The following MTFR1 variants were observed in gnomAD, a reference collection of about 807,000 sequenced individuals.
The protein encoded by MTFR1 is mitochondrial fission regulator 1, also known as chondrocyte protein with a poly-proline region.
MTFR1 carries 28 observed loss-of-function variants against 38.8 expected under a neutral mutation model. That is an observed-to-expected ratio of 0.72 (90% CI 0.53 to 0.99). The LOEUF is 0.99. Ranked by LOEUF, MTFR1 falls within the 50% of genes least tolerant of loss-of-function variation. The pLI, the probability that MTFR1 is intolerant of heterozygous loss-of-function variation, is 0.00. For synonymous variants in MTFR1, 145 were observed against 137.0 expected, an observed-to-expected ratio of 1.06 and a Z score of -0.41; for missense variants, 358 against 395.5, an observed-to-expected ratio of 0.91 and a Z score of 0.81.
chr8:65,730,171 C>CTTCTTCTTTTTTT (rs1295965698), intron 3 of MTFR1, among the ~76,000 whole-genome samples: 1 of 86,434 alleles, frequency 1.2e-5, no homozygotes, highest in African/African-American at 4.8e-5. Flanking sequence ...TTGCGCACTT[C>CTTCTTCTTTTTTT]TTTTTTTTTT....
At chr8:65,769,263 A>T (rs1356264229) in intron 3 of MTFR1, among the ~76,000 whole-genome samples, 1 of 151,888 alleles carries the variant, frequency 6.6e-6, no homozygotes, top group Non-Finnish European at 1.5e-5. Flanking sequence ...AAAAAAAAAA[A>T]AAAAAAGTAA....
chr8:65,759,316 T>TG (rs1321674125), intron 3 of MTFR1, among the ~76,000 whole-genome samples: 4 of 152,182 alleles, frequency 2.6e-5, no homozygotes, highest in African/African-American at 7.2e-5. Flanking sequence ...CAGATGCCAC[T>TG]GGGGGAAACC....
intron 3 of MTFR1, among the ~76,000 whole-genome samples, chr8:65,748,527 A>T (rs1256114608): frequency 6.6e-6 from 1 of 152,204 alleles, no homozygotes; most frequent in Non-Finnish European, 1.5e-5. Context: ...GAAATGACAG[A>T]TCTGGGGTAA....
rs565249334 is a variant in MTFR1, at chr8:65,755,831, T to C, written c.*49-15116T>C. 3.7e-4 allele frequency among the ~76,000 whole-genome samples: 56 copies of C among 152,314 alleles called. No individual in the cohort carries two copies. In the South Asian group the frequency reaches 5.8e-3, roughly 16 times the overall value. On this transcript the variant is annotated intron_variant, in intron 3 of 3. Coordinates refer to the MTFR1 transcript ENST00000521247. The stretch of plus-strand genomic sequence containing the variant: ...GAAATGGAGATCTCACTATGTCGCC[T>C]AGGCTGGCCTTGAACTCCTGAGCTC...
chr8:65,737,878 T>C (rs912784822), intron 3 of MTFR1, among the ~76,000 whole-genome samples: 4 of 152,234 alleles, frequency 2.6e-5, no homozygotes, highest in African/African-American at 4.8e-5. Flanking sequence ...AGTTCCACAG[T>C]TTTACCATTT....
At position 65,704,756 on chromosome 8, in the gene MTFR1, G is replaced by A. The variant is rs771107091; in HGVS notation, c.344G>A (p.Ser115Asn). 2.5e-6 allele frequency: 4 copies of A among 1,613,946 alleles called. No homozygotes were observed. Reference protein sequence around the residue: ...DDLLFFEKAPSRQISLPDLSQ... With the variant: ...DDLLFFEKAPNRQISLPDLSQ... ...CTTCTTTTCTTTGAGAAGGCCCCAA[G>A]CAGACAGATTTCCTTACCAGACTTG... The change falls in exon 5 of 8, where the codon AGC becomes AAC. Residue 115 changes from serine (S) to asparagine (N), a missense_variant. Coordinates refer to ENST00000262146, the MANE Select transcript of MTFR1 (RefSeq NM_014637.4).
chr8:65,644,852 G>A (rs1585732969), intron 1 of MTFR1, 68 bp downstream of exon 1: 1 of 152,670 alleles, frequency 6.6e-6, no homozygotes, highest in Non-Finnish European at 1.5e-5. Flanking sequence ...AGGCCTGACG[G>A]CGATGGGATG....
At chr8:65,712,984 C>T (rs532951316), downstream of MTFR1, among the ~76,000 whole-genome samples, 4 of 152,180 alleles carry the variant, frequency 2.6e-5, no homozygotes, top group South Asian at 6.2e-4. Flanking sequence ...ATCTGTGTTC[C>T]GAAATGTCAT....
the MTFR1 span, among the ~76,000 whole-genome samples, chr8:65,776,650 T>A: frequency 6.6e-6 from 1 of 152,236 alleles, no homozygotes; most frequent in East Asian, 1.9e-4. Flanking sequence ...ACATATTTGA[T>A]GTTTCTTGAT....
rs368801066 is a variant in MTFR1, at chr8:65,742,909, G to T, written c.*48+23428G>T. ...TGTCCACAAATCCCATTCAAAGAGT[G>T]AGGTGATCAAAAGGAAAGCGAAGTG... On this transcript the variant is annotated intron_variant, in intron 3 of 3. Coordinates refer to the MTFR1 transcript ENST00000521247. Among the ~76,000 whole-genome samples, 34 of 152,336 alleles carry T rather than the reference G, an allele frequency of 2.2e-4. 1 individual carries two copies. In the East Asian group the frequency reaches 6.2e-3, roughly 28 times the overall value.
chr8:65,746,478 T>A (rs761622342), intron 3 of MTFR1, among the ~76,000 whole-genome samples: 5 of 152,316 alleles, frequency 3.3e-5, no homozygotes, highest in Middle Eastern at 3.4e-3. Context: ...CACAATTTAC[T>A]ACATTAACTT....
At chr8:65,700,874 A>G (rs1358649240) in intron 4 of MTFR1, among the ~76,000 whole-genome samples, 1 of 152,246 alleles carries the variant, frequency 6.6e-6, no homozygotes, top group Non-Finnish European at 1.5e-5. Context: ...GACTCTGACA[A>G]TGTGAACTGA....
intron 2 of MTFR1, chr8:65,718,147 T>C (rs1806215839): frequency 6.6e-6 from 1 of 152,228 alleles, no homozygotes; most frequent in Admixed American, 6.5e-5. Flanking sequence ...CTGTTACAGC[T>C]TACCTACCAA....
At chr8:65,644,519 A>G (rs142284275), upstream of MTFR1, among the ~76,000 whole-genome samples, 22 of 152,390 alleles carry the variant, frequency 1.4e-4, no homozygotes, top group African/African-American at 5.0e-4. Flanking sequence ...GTGAAGGCAC[A>G]AAGCAAGGTC....
At chr8:65,662,400 C>T (rs558234328) in intron 1 of MTFR1, among the ~76,000 whole-genome samples, 36 of 151,642 alleles carry the variant, frequency 2.4e-4, no homozygotes, top group African/African-American at 6.5e-4. Flanking sequence ...TCACTCAGTG[C>T]TCAATGGTGC....
intron 2 of MTFR1, among the ~76,000 whole-genome samples, chr8:65,681,676 T>G (rs1326645213): frequency 6.6e-6 from 1 of 151,494 alleles, no homozygotes; most frequent in Non-Finnish European, 1.5e-5. Flanking sequence ...TTTTTGTTTT[T>G]TTTTTTTTTT....
At chr8:65,663,958 G>A (rs1199356617) in intron 1 of MTFR1, among the ~76,000 whole-genome samples, 2 of 151,390 alleles carry the variant, frequency 1.3e-5, no homozygotes, top group African/African-American at 4.9e-5. Flanking sequence ...TGGGATTGCA[G>A]ACAGGCACCA....
At chr8:65,647,330 G>A (rs993025111) in intron 1 of MTFR1, among the ~76,000 whole-genome samples, 2 of 151,966 alleles carry the variant, frequency 1.3e-5, no homozygotes, top group Admixed American at 1.3e-4. Flanking sequence ...TGTTTTTTTT[G>A]AGATGGAGTT....
chr8:65,648,450 A>T (rs1236849145), intron 1 of MTFR1, among the ~76,000 whole-genome samples: 8 of 152,204 alleles, frequency 5.3e-5, no homozygotes, highest in African/African-American at 1.9e-4. Flanking sequence ...AATGAAAAAT[A>T]TGTCAGCTGG....
Sources: gnomAD v4.1 joint callset for allele counts (sites outside exome capture counted in the v4.1 genomes callset) on GRCh38, gnomAD v4.1.1 for gene constraint, MANE v1.5 for transcripts, NCBI Gene and HGNC (gene_info 2026-07-23, HGNC 2026-07-21) for gene names.